ATL2: variants seen among roughly 807,000 people sequenced by gnomAD.
The protein encoded by ATL2 is atlastin GTPase 2, also known as atlastin-2.
Under a neutral mutation model 73.9 loss-of-function variants are expected in ATL2, and 31 were observed. The observed-to-expected ratio is 0.42, with a 90% CI of 0.32 to 0.57. ATL2 has a LOEUF of 0.57. Among genes scored for constraint, ATL2 ranks in the 20% least tolerant of loss-of-function variants. The probability of loss-of-function intolerance (pLI) is 0.14; values close to 1 mark genes in which losing one functional copy is unlikely to be tolerated. For missense variants in ATL2, 738 were observed against 702.6 expected (o/e 1.05, Z -0.57); for synonymous variants, 291 against 237.5 (o/e 1.23, Z -2.07).
chr2:38,325,661 T>TAC lies in ATL2; in HGVS notation c.364-6644_364-6643dup, dbSNP rs562138786. On this transcript the variant is annotated intron_variant, in intron 2 of 12. Transcript: ENST00000378954. ...ACACACACACACACACACACACCAG[T>TAC]ACACACACACACACACACACACACA... is the stretch of plus-strand genomic sequence containing the variant. 2.1e-3 allele frequency among the ~76,000 whole-genome samples: 88 copies of TAC among 41,686 alleles called. 5 individuals are homozygous for TAC. The highest frequency in any genetic ancestry group is 0.013 in the South Asian group (8 of 630). 27.3% of individuals were successfully genotyped at this position (41,686 alleles called of 152,430 possible).
At chr2:38,365,915 C>G (rs1012929553) in intron 1 of ATL2, among the ~76,000 whole-genome samples, 24 of 151,820 alleles carry the variant, frequency 1.6e-4, no homozygotes, top group African/African-American at 5.8e-4. Context: ...CCATTGCACT[C>G]CAGCCTGGGC....
chr2:38,358,215 T>C (rs1422419525), intron 1 of ATL2, among the ~76,000 whole-genome samples: 1 of 152,156 alleles, frequency 6.6e-6, no homozygotes, highest in African/African-American at 2.4e-5. Flanking sequence ...TCTAACAATA[T>C]TAAAATAAAA....
intron 2 of ATL2, among the ~76,000 whole-genome samples, chr2:38,330,519 C>T (rs1389479811): frequency 6.6e-6 from 1 of 152,030 alleles, no homozygotes; most frequent in African/African-American, 2.4e-5. Flanking sequence ...AAGGAATCCG[C>T]TAAAAAAATT....
intron 1 of ATL2, among the ~76,000 whole-genome samples, chr2:38,375,666 C>G (rs981091862): frequency 5.9e-5 from 9 of 152,100 alleles, no homozygotes; most frequent in African/African-American, 2.2e-4. Context: ...AAGAAAAGAA[C>G]ACACACTTCT....
At position 38,311,204 on chromosome 2, in the gene ATL2, G is replaced by A. The variant is rs1573450783; in HGVS notation, c.805-757C>T. Reference sequence around the variant, plus strand: ...AAGCTAAGATAAAAAAAATTACAGTGCAGTACAAAGACCTTAGAAATGTGT... The same window carrying A: ...AAGCTAAGATAAAAAAAATTACAGTACAGTACAAAGACCTTAGAAATGTGT... On this transcript the variant is annotated intron_variant, in intron 7 of 12. Coordinates refer to ENST00000378954, the MANE Select transcript of ATL2 (RefSeq NM_001135673.4). Among the ~76,000 whole-genome samples the A allele has an allele frequency of 2.0e-5, 3 of 152,166 alleles. 1 individual carries two copies. The highest frequency in any genetic ancestry group is 2.0e-4 in the Admixed American group (3 of 15,288).
chr2:38,298,425 C>T lies in ATL2; in HGVS notation c.1351G>A (p.Glu451Lys). ...AAATTTGCATAGGTTTCTTCAATTT[C>T]AGCTTCAAGCTGGTCCTGATAACGA... ...CRRYQDQLEA[E>K]IEETYANFIK... The change falls in exon 12 of 13, where the codon GAA becomes AAA. Residue 451 changes from glutamate (E) to lysine (K), a missense_variant. Transcript: ENST00000378954. The T allele has an allele frequency of 6.2e-7, 1 of 1,614,208 alleles. No homozygotes were observed. Among genetic ancestry groups the T allele is most frequent in the Non-Finnish European group, 8.5e-7 (1 of 1,180,034 alleles).
intron 8 of ATL2, among the ~76,000 whole-genome samples, chr2:38,309,720 T>TA (rs1667643709): frequency 6.6e-6 from 1 of 152,184 alleles, no homozygotes; most frequent in East Asian, 1.9e-4. Context: ...CCCAACCCCC[T>TA]AGTAACACTG....
chr2:38,313,627 T>C (rs1667873172), intron 6 of ATL2, among the ~76,000 whole-genome samples: 1 of 152,252 alleles, frequency 6.6e-6, no homozygotes, highest in African/African-American at 2.4e-5. Flanking sequence ...CTGGGGTCAA[T>C]AAGGACATTT....
Position 38,300,335 on chromosome 2 carries a change from AG to A in ATL2, c.1072-8del. 2 of 1,603,646 alleles carry A rather than the reference AG, an allele frequency of 1.2e-6. No individual in the cohort carries two copies. The highest frequency in any genetic ancestry group is 3.3e-5 in the Admixed American group (2 of 59,984). On this transcript the variant is annotated splice_polypyrimidine_tract_variant and splice_region_variant and intron_variant, in intron 9 of 12. Transcript: ENST00000378954. ...GATAGATTTTGATGTAAGCCTAAAAAGGGAGAAGATTTGTTAGACTGACGGA... is the reference window on the plus strand; with the variant it reads ...GATAGATTTTGATGTAAGCCTAAAAAGGAGAAGATTTGTTAGACTGACGGA...
At chr2:38,312,070 C>T (rs1468729230) in intron 7 of ATL2, among the ~76,000 whole-genome samples, 1 of 152,142 alleles carries the variant, frequency 6.6e-6, no homozygotes, top group East Asian at 1.9e-4. Flanking sequence ...AAACCAAATG[C>T]ATCATTCCCA....
intron 2 of ATL2, among the ~76,000 whole-genome samples, chr2:38,335,205 A>G (rs922487106): frequency 1.3e-5 from 2 of 151,878 alleles, no homozygotes; most frequent in African/African-American, 4.8e-5. Flanking sequence ...CTAAAAGTAA[A>G]CGGGTATTTC....
In ATL2 at chr2:38,318,779, A is replaced by T. The variant is rs112353204; in HGVS notation, c.498+106T>A. On this transcript the variant is annotated intron_variant, in intron 3 of 12. Coordinates refer to ENST00000378954, the MANE Select transcript of ATL2 (RefSeq NM_001135673.4). ...TCATACATTTGACATAATAATCCGT[A>T]TGTTAAAGTTATCAAACATTAATAG... 400 of 1,376,616 alleles carry T rather than the reference A, an allele frequency of 2.9e-4. 1 individual carries two copies. The African/African-American group carries it at 5.4e-3, about 18-fold the overall frequency. 85.3% of individuals were successfully genotyped at this position (1,376,616 alleles called of 1,614,324 possible).
At chr2:38,305,638 T>C (rs998727244) in intron 9 of ATL2, among the ~76,000 whole-genome samples, 2 of 151,996 alleles carry the variant, frequency 1.3e-5, no homozygotes, top group African/African-American at 4.8e-5. Flanking sequence ...TTGGAAACTA[T>C]ACAAACACAT....
chr2:38,313,276 T>C, intron 6 of ATL2, 33 bp from the exon 7 acceptor site: 1 of 1,505,344 alleles, frequency 6.6e-7, no homozygotes, highest in Admixed American at 1.9e-5. Flanking sequence ...TTGTTTATTT[T>C]ACAATAAAGA....
intron 1 of ATL2, among the ~76,000 whole-genome samples, chr2:38,366,097 G>GAAAAAAAAAAAAAA (rs376873019): frequency 9.8e-6 from 1 of 102,186 alleles, no homozygotes. Context: ...TGACTAATTT[G>GAAAAAAAAAAAAAA]AAAAAAAAAA....
At position 38,299,149 on chromosome 2, in the gene ATL2, T is replaced by A. The variant is rs576124940; in HGVS notation, c.1200+107A>T. On this transcript the variant is annotated intron_variant, in intron 11 of 12. Transcript: ENST00000378954. ...AGGGGAATTAGGGAATAATGTACCA[T>A]AAGCTGCACAAATTCGCTCAATTAT... 6.7e-6 allele frequency: 7 copies of A among 1,049,412 alleles called. No individual in the cohort carries two copies. In the African/African-American group the frequency reaches 8.4e-5, roughly 13 times the overall value. 65.0% of individuals were successfully genotyped at this position (1,049,412 alleles called of 1,614,324 possible).
chr2:38,340,382 C>A (rs1247782340), intron 2 of ATL2, among the ~76,000 whole-genome samples: 1 of 151,086 alleles, frequency 6.6e-6, no homozygotes, highest in Admixed American at 6.6e-5. Flanking sequence ...AAAGCACACC[C>A]CTAAATAAGC....
chr2:38,376,140 T>C (rs114705577), intron 1 of ATL2: 6 of 1,532,172 alleles, frequency 3.9e-6, no homozygotes, highest in East Asian at 2.5e-5. Flanking sequence ...TTACTATTTA[T>C]AAGCCTTTGA....
chr2:38,351,978 G>A (rs1670373717), intron 1 of ATL2, among the ~76,000 whole-genome samples: 1 of 151,410 alleles, frequency 6.6e-6, no homozygotes, highest in African/African-American at 2.4e-5. Flanking sequence ...TGGGTGTGGT[G>A]GCAGGCCCCT....
Sources: gnomAD v4.1 joint callset for allele counts (sites outside exome capture counted in the v4.1 genomes callset) on GRCh38, gnomAD v4.1.1 for gene constraint, MANE v1.5 for transcripts, NCBI Gene and HGNC (gene_info 2026-07-23, HGNC 2026-07-21) for gene names.